Variants in HTRA1 observed in about 807,000 individuals in gnomAD.
The protein encoded by HTRA1 is HtrA serine peptidase 1.
In HTRA1, 26 loss-of-function variants were observed where a neutral mutation model predicts 49.7. The ratio of observed to expected loss-of-function variants is 0.52; its 90% CI spans 0.38 to 0.73. The LOEUF (loss-of-function observed/expected upper bound fraction) is 0.73. Ranked by LOEUF, HTRA1 falls within the 30% of genes least tolerant of loss-of-function variation. HTRA1 has a pLI of 0.00. For missense variants in HTRA1, 561 were observed against 667.2 expected, an observed-to-expected ratio of 0.84 and a Z score of 1.75; for synonymous variants, 291 against 286.9, an observed-to-expected ratio of 1.01 and a Z score of -0.14.
intron 3 of HTRA1, among the ~76,000 whole-genome samples, chr10:122,493,383 T>C (rs570434869): frequency 6.6e-6 from 1 of 152,306 alleles, no homozygotes; most frequent in African/African-American, 2.4e-5. Context: ...AAAGCAGCTT[T>C]GAGGGCAGAC....
At chr10:122,496,393 A>G (rs1156369326) in intron 3 of HTRA1, among the ~76,000 whole-genome samples, 1 of 151,818 alleles carries the variant, frequency 6.6e-6, no homozygotes, top group African/African-American at 2.4e-5. Context: ...TGAGATCCTA[A>G]TGGATCTTTC....
intron 3 of HTRA1, among the ~76,000 whole-genome samples, chr10:122,500,052 T>C (rs1415143889): frequency 6.6e-6 from 1 of 152,190 alleles, no homozygotes; most frequent in Non-Finnish European, 1.5e-5. Flanking sequence ...TTGGTTTTGA[T>C]GTTATTGGTT....
rs1440647425 is a variant in HTRA1 at position 122,464,565 on chromosome 10, G to A, written c.472+2441G>A. Among the ~76,000 whole-genome samples the A allele has an allele frequency of 9.2e-5, 14 of 152,234 alleles. No individual in the cohort carries two copies. The highest frequency in any genetic ancestry group is 9.2e-4 in the Admixed American group (14 of 15,286). ...GTGAATGAATAAATGAATGAATGAAGACAAACGGGAGGTGCTTGCGATACA... is the reference window on the plus strand; with the variant it reads ...GTGAATGAATAAATGAATGAATGAAAACAAACGGGAGGTGCTTGCGATACA... On this transcript the variant is annotated intron_variant, in intron 1 of 8. Transcript: ENST00000368984. This position sits in a 1 kb window ranked among gnomAD's most constrained non-coding sequence, Gnocchi z 4.8.
In HTRA1 at chr10:122,514,656, T is replaced by G. The variant is rs1246364444; in HGVS notation, c.*297T>G. The G allele has an allele frequency of 9.8e-6, 4 of 409,014 alleles. No homozygotes were observed. Among genetic ancestry groups the G allele is most frequent in the Non-Finnish European group, 1.4e-5 (3 of 216,160 alleles). The allele number at this position is 409,014 out of a possible 1,614,324, so 25.3% of individuals were successfully genotyped here. On this transcript the variant is annotated 3_prime_UTR_variant, in exon 9 of 9. Transcript: ENST00000368984. ...GTCAGCATTTGTCTCCTCCTTTAACTGAGTCATCATCTTAGTCCAACTAAT... is the reference window on the plus strand; with the variant it reads ...GTCAGCATTTGTCTCCTCCTTTAACGGAGTCATCATCTTAGTCCAACTAAT...
chr10:122,504,426 G>A (rs140003916), intron 3 of HTRA1, among the ~76,000 whole-genome samples: 99 of 152,234 alleles, frequency 6.5e-4, no homozygotes, highest in Non-Finnish European at 1.2e-3. Flanking sequence ...GCCCTGCCTC[G>A]TAACTTTCTG....
At chr10:122,470,974 C>A (rs2097485854) in intron 1 of HTRA1, among the ~76,000 whole-genome samples, 1 of 152,194 alleles carries the variant, frequency 6.6e-6, no homozygotes, top group South Asian at 2.1e-4. Context: ...GGGTTCACTA[C>A]CATCATGTCC....
chr10:122,513,368 C>T (rs1348332616), intron 8 of HTRA1, among the ~76,000 whole-genome samples: 4 of 152,106 alleles, frequency 2.6e-5, no homozygotes, highest in African/African-American at 7.2e-5. Context: ...TGGCCAACTA[C>T]GTGGCAGATA....
Position 122,494,279 on chromosome 10 carries a change from AG to A in HTRA1, c.777+4654del, listed in dbSNP as rs1472382521. Among the ~76,000 whole-genome samples the A allele has an allele frequency of 1.3e-5, 2 of 152,180 alleles. No individual in the cohort carries two copies. The highest frequency in any genetic ancestry group is 4.8e-5 in the African/African-American group (2 of 41,452). On this transcript the variant is annotated intron_variant, in intron 3 of 8. Transcript: ENST00000368984. The surrounding 1 kb of genome is among the most constrained non-coding windows in gnomAD (Gnocchi z 4.0). ...TAGGAGGTGCTTGGCAACCTTGTTCAGAGTAGGACGTTCACAGCTGTCTGCC... is the reference window on the plus strand; with the variant it reads ...TAGGAGGTGCTTGGCAACCTTGTTCAAGTAGGACGTTCACAGCTGTCTGCC...
chr10:122,473,482 C>T (rs1178871976), intron 1 of HTRA1, among the ~76,000 whole-genome samples: 1 of 152,066 alleles, frequency 6.6e-6, no homozygotes, highest in East Asian at 1.9e-4. Flanking sequence ...TACTCATAGG[C>T]AGAAGTATAA....
intron 1 of HTRA1, among the ~76,000 whole-genome samples, chr10:122,474,285 C>T (rs891615071): frequency 2.6e-5 from 4 of 152,122 alleles, no homozygotes; most frequent in African/African-American, 7.2e-5. Flanking sequence ...GTTTTGGGTC[C>T]GGGACCACTC....
chr10:122,473,084 T>C (rs1452630083), intron 1 of HTRA1, among the ~76,000 whole-genome samples: 4 of 152,338 alleles, frequency 2.6e-5, no homozygotes, highest in South Asian at 2.1e-4. Context: ...CCTTTTTTGG[T>C]CTTACAGGTT....
At chr10:122,507,747 C>A (rs375513771) in intron 5 of HTRA1, among the ~76,000 whole-genome samples, 1 of 152,136 alleles carries the variant, frequency 6.6e-6, no homozygotes, top group African/African-American at 2.4e-5. Context: ...GGCCAGTCAC[C>A]GAAAGCACCT....
rs555971870 is a variant in HTRA1, at chr10:122,502,139, G to A, written c.778-4552G>A. Among the ~76,000 whole-genome samples the A allele has an allele frequency of 2.0e-5, 3 of 152,124 alleles. No homozygotes were observed. In the East Asian group the frequency reaches 5.8e-4, roughly 29 times the overall value. ...GTGTTTTCTTACTGCTCTGTGTCCT[G>A]GTGGCTTGTTTGTGTCTCTGCCCAT... On this transcript the variant is annotated intron_variant, in intron 3 of 8. Coordinates refer to ENST00000368984, the MANE Select transcript of HTRA1 (RefSeq NM_002775.5).
intron 3 of HTRA1, among the ~76,000 whole-genome samples, chr10:122,501,474 C>T (rs941173834): frequency 1.3e-5 from 2 of 152,204 alleles, no homozygotes; most frequent in African/African-American, 4.8e-5. Flanking sequence ...GGGATCCTCT[C>T]TTAAAATGAA....
At chr10:122,488,789 C>T (rs2097494314) in intron 1 of HTRA1, 113 bp from the exon 2 acceptor site, 1 of 888,146 alleles carries the variant, frequency 1.1e-6, no homozygotes, top group Non-Finnish European at 1.9e-6. Context: ...GCTCACTCCG[C>T]CTTCAGAATT....
Position 122,514,330 on chromosome 10 carries a change from A to T in HTRA1, c.1414A>T (p.Thr472Ser), listed in dbSNP as rs560407744. 5.0e-6 allele frequency: 8 copies of T among 1,614,198 alleles called. No individual in the cohort carries two copies. In the African/African-American group the frequency reaches 5.3e-5, roughly 11 times the overall value. Residue 472 changes from threonine to serine, a missense_variant, in exon 9 of 9, where the codon ACA (threonine) becomes TCA (serine). Physicochemically the swap from Thr to Ser is moderately conservative, Grantham distance 58. Coordinates refer to ENST00000368984, the MANE Select transcript of HTRA1 (RefSeq NM_002775.5). ...CAGGGGTAATGAAGATATCATGATC[A>T]CAGTGATTCCCGAAGAAATTGACCC... ...VRRGNEDIMI[T>S]VIPEEIDP is the part of the protein sequence containing the mutation.
chr10:122,489,418 T>G lies in HTRA1; in HGVS notation c.573-4T>G. 6.2e-7 allele frequency: 1 copy of G among 1,614,126 alleles called. No homozygotes were observed. The highest frequency in any genetic ancestry group is 1.7e-5 in the Admixed American group (1 of 60,028). ...GCTTAAGTGTGTACTCCTTTGGATT[T>G]TAGGCTTCCGTTTTCTAAACGAGAG... On this transcript the variant is annotated splice_region_variant and splice_polypyrimidine_tract_variant and intron_variant, in intron 2 of 8. Coordinates refer to ENST00000368984, the MANE Select transcript of HTRA1 (RefSeq NM_002775.5).
At chr10:122,477,222 C>T (rs1348527209) in intron 1 of HTRA1, among the ~76,000 whole-genome samples, 2 of 152,260 alleles carry the variant, frequency 1.3e-5, no homozygotes, top group South Asian at 2.1e-4. Context: ...CCACCTTGGC[C>T]TCCCAAAGCG....
At chr10:122,512,108 T>A in intron 8 of HTRA1, 43 bp downstream of exon 8, 2 of 1,375,106 alleles carry the variant, frequency 1.5e-6, no homozygotes, top group Non-Finnish European at 2.1e-6. Context: ...TTCTTGTTGT[T>A]CCTGTGGGGG....
Sources: allele counts gnomAD v4.1 joint callset (sites outside exome capture counted in the v4.1 genomes callset), GRCh38; gene constraint gnomAD v4.1.1; non-coding constraint Gnocchi (gnomAD v3.1); transcripts MANE v1.5; gene names NCBI Gene and HGNC (gene_info 2026-07-23, HGNC 2026-07-21).